PLOD2: variants seen among roughly 807,000 people sequenced by gnomAD.
The protein encoded by PLOD2 is procollagen-lysine,2-oxoglutarate 5-dioxygenase 2, also known as lysine hydroxylase 2.
PLOD2 carries 65 observed loss-of-function variants against 101.0 expected under a neutral mutation model. That is an observed-to-expected ratio of 0.64 (90% CI 0.53 to 0.79). PLOD2 has a LOEUF of 0.79. Ranked by LOEUF, PLOD2 falls within the 30% of genes least tolerant of loss-of-function variation. The probability of loss-of-function intolerance (pLI) is 0.00; values close to 1 mark genes in which losing one functional copy is unlikely to be tolerated. For missense variants in PLOD2, 909 were observed against 914.6 expected (o/e 0.99, Z 0.08); for synonymous variants, 314 against 302.9 (o/e 1.04, Z -0.38).
At chr3:146,107,318 G>T (rs548608397) in intron 4 of PLOD2, among the ~76,000 whole-genome samples, 1 of 152,068 alleles carries the variant, frequency 6.6e-6, no homozygotes, top group African/African-American at 2.4e-5. Flanking sequence ...CATTAAGACC[G>T]CCAATAACAT....
rs560051858 is a variant in PLOD2 at position 146,136,475 on chromosome 3, G to C, written c.110-12246C>G. 2.2e-4 allele frequency among the ~76,000 whole-genome samples: 34 copies of C among 152,232 alleles called. No homozygotes were observed. In the South Asian group the frequency reaches 3.9e-3, roughly 18 times the overall value. ...ATATAATATTGCATTATATGTAAAAGGTATATATGAAACATACACGAATTT... is the reference window on the plus strand; with the variant it reads ...ATATAATATTGCATTATATGTAAAACGTATATATGAAACATACACGAATTT... On this transcript the variant is annotated intron_variant, in intron 1 of 19. Transcript: ENST00000282903.
At chr3:146,138,560 G>T (rs1452605393) in intron 1 of PLOD2, among the ~76,000 whole-genome samples, 1 of 152,058 alleles carries the variant, frequency 6.6e-6, no homozygotes, top group Non-Finnish European at 1.5e-5. Flanking sequence ...AATATGACTG[G>T]GCTGGGTTCA....
intron 3 of PLOD2, among the ~76,000 whole-genome samples, 198 bp downstream of exon 3, chr3:146,120,914 G>C (rs575818705): frequency 2.0e-5 from 3 of 152,074 alleles, no homozygotes; most frequent in Admixed American, 6.6e-5. Flanking sequence ...GTAGAGACAG[G>C]GTTTCACCAT....
chr3:146,078,768 CTAAT>C (rs1339097490), intron 13 of PLOD2, among the ~76,000 whole-genome samples: 13 of 151,748 alleles, frequency 8.6e-5, no homozygotes, highest in Non-Finnish European at 1.9e-4. Flanking sequence ...CGAAGCTTAT[CTAAT>C]TAATTTTAAT....
intron 13 of PLOD2, 35 bp from the exon 14 acceptor site, chr3:146,077,959 G>A: frequency 3.6e-6 from 4 of 1,109,860 alleles, no homozygotes; most frequent in Non-Finnish European, 4.2e-6. Flanking sequence ...AAGTTGACCT[G>A]TACACCCGCT....
In PLOD2 at chr3:146,123,721, T is replaced by C. The variant is rs1434998435; in HGVS notation, c.201+417A>G. Among the ~76,000 whole-genome samples, 3 of 150,302 alleles carry C rather than the reference T, an allele frequency of 2.0e-5. No individual in the cohort carries two copies. In the East Asian group the frequency reaches 5.9e-4, roughly 29 times the overall value. ...TTGTACATGACCTGCCAGAAAGAAA[T>C]TATATATATATATGCAAATACATAT... On this transcript the variant is annotated intron_variant, in intron 2 of 19. Transcript: ENST00000282903.
At chr3:146,128,447 T>C (rs1206941156) in intron 1 of PLOD2, among the ~76,000 whole-genome samples, 1 of 152,168 alleles carries the variant, frequency 6.6e-6, no homozygotes, top group Non-Finnish European at 1.5e-5. Context: ...GATGCATCTA[T>C]ACAGTGTGGT....
Position 146,077,842 on chromosome 3 carries a change from A to G in PLOD2, c.1563+20T>C. 1 of 1,450,612 alleles carries G rather than the reference A, an allele frequency of 6.9e-7. No individual in the cohort carries two copies. The highest frequency in any genetic ancestry group is 9.6e-7 in the Non-Finnish European group (1 of 1,043,508). 89.9% of individuals were successfully genotyped at this position (1,450,612 alleles called of 1,614,324 possible). ...AAATATTAAATAAACAAAAATAAATAAAATAAGTAAAAATAACACCTTTGG... is the reference window on the plus strand; with the variant it reads ...AAATATTAAATAAACAAAAATAAATGAAATAAGTAAAAATAACACCTTTGG... On this transcript the variant is annotated intron_variant, in intron 14 of 19. Coordinates refer to ENST00000282903, the MANE Select transcript of PLOD2 (RefSeq NM_182943.3).
rs67671074 is a variant in PLOD2 at position 146,085,476 on chromosome 3, G to A, written c.1128-203C>T. The A allele has an allele frequency of 0.15, 80,386 of 542,418 alleles. 6,478 individuals carry two copies. Among genetic ancestry groups the A allele is most frequent in the East Asian group, 0.26 (8,769 of 33,312 alleles). The allele number at this position is 542,418 out of a possible 1,614,324, so 33.6% of individuals were successfully genotyped here. A position where few individuals can be genotyped will look rare whatever the true frequency, so the allele number is the denominator to read the frequency against. On this transcript the variant is annotated intron_variant, in intron 10 of 19. Transcript: ENST00000282903. The stretch of plus-strand genomic sequence containing the variant: ...AATTTAACACGGATATTCACAGGGA[G>A]CTCACCTCTAAAATTTTAAGCCAGT...
At chr3:146,115,119 G>C (rs1937846748) in intron 3 of PLOD2, among the ~76,000 whole-genome samples, 3 of 152,002 alleles carry the variant, frequency 2.0e-5, no homozygotes, top group Non-Finnish European at 4.4e-5. Flanking sequence ...TCTCTCTTTT[G>C]TACTCTTTCC....
At chr3:146,119,711 C>T (rs564600183) in intron 3 of PLOD2, among the ~76,000 whole-genome samples, 4 of 150,756 alleles carry the variant, frequency 2.7e-5, no homozygotes, top group African/African-American at 4.9e-5. Context: ...TTTGTCCTTG[C>T]GATAGTTTGC....
chr3:146,105,869 T>C (rs1386143265), intron 5 of PLOD2, among the ~76,000 whole-genome samples: 2 of 152,094 alleles, frequency 1.3e-5, no homozygotes, highest in African/African-American at 4.8e-5. Context: ...AGACTACAAA[T>C]GAGAATACAC....
chr3:146,084,570 T>A (rs1358653962), intron 11 of PLOD2, among the ~76,000 whole-genome samples: 3 of 152,124 alleles, frequency 2.0e-5, no homozygotes, highest in Non-Finnish European at 4.4e-5. Flanking sequence ...AAAGGTGAGG[T>A]CTTAGCAGGA....
chr3:146,140,486 A>G (rs2031469085), intron 1 of PLOD2, among the ~76,000 whole-genome samples: 1 of 152,088 alleles, frequency 6.6e-6, no homozygotes, highest in South Asian at 2.1e-4. Flanking sequence ...GAATTTCTCA[A>G]AGTAGAAGGA....
intron 6 of PLOD2, among the ~76,000 whole-genome samples, chr3:146,103,195 T>C (rs1278024879): frequency 6.6e-6 from 1 of 152,158 alleles, no homozygotes; most frequent in Non-Finnish European, 1.5e-5. Context: ...CAAGTTAAAT[T>C]AGTAACTCAG....
At chr3:146,083,580 T>TCTTCC (rs11456231) in intron 11 of PLOD2, among the ~76,000 whole-genome samples, 4 of 108,496 alleles carry the variant, frequency 3.7e-5, no homozygotes, top group African/African-American at 1.3e-4. Flanking sequence ...TCTTTTTCTT[T>TCTTCC]TTTTTTTTTT....
At chr3:146,085,550 C>A (rs1936738213) in intron 10 of PLOD2, 6 of 492,068 alleles carry the variant, frequency 1.2e-5, no homozygotes, top group Non-Finnish European at 2.1e-5. Flanking sequence ...AAAACATCCA[C>A]AAATCAAAAT....
intron 1 of PLOD2, among the ~76,000 whole-genome samples, chr3:146,125,402 A>G (rs2030489584): frequency 6.6e-6 from 1 of 152,044 alleles, no homozygotes; most frequent in African/African-American, 2.4e-5. Context: ...ACCAAAAAAA[A>G]TAATTTCCAT....
intron 14 of PLOD2, 148 bp from the exon 15 acceptor site, chr3:146,077,043 G>A: frequency 1.5e-6 from 2 of 1,292,452 alleles, no homozygotes; most frequent in Non-Finnish European, 2.0e-6. Context: ...AATGTGCATA[G>A]TTTAAAATAA....
Sources: gnomAD v4.1 joint callset for allele counts (sites outside exome capture counted in the v4.1 genomes callset) on GRCh38, gnomAD v4.1.1 for gene constraint, MANE v1.5 for transcripts, NCBI Gene and HGNC (gene_info 2026-07-23, HGNC 2026-07-21) for gene names.